QRSL1: variants seen among roughly 807,000 people sequenced by gnomAD.
The protein encoded by QRSL1 is glutamyl-tRNA(Gln) amidotransferase subunit A, mitochondrial.
A neutral mutation model predicts 61.6 loss-of-function variants in QRSL1; 54 were observed. The ratio of observed to expected loss-of-function variants is 0.88; its 90% CI spans 0.70 to 1.10. QRSL1 has a LOEUF of 1.10. QRSL1 is among the 50% of genes least tolerant of loss of function. QRSL1 has a pLI of 0.00. For missense variants in QRSL1, 505 were observed against 622.6 expected (o/e 0.81, Z 2.01); for synonymous variants, 228 against 225.7 (o/e 1.01, Z -0.09).
intron 1 of QRSL1, among the ~76,000 whole-genome samples, chr6:106,630,116 T>A (rs988283492): frequency 2.0e-5 from 3 of 152,090 alleles, no homozygotes; most frequent in Non-Finnish European, 4.4e-5. Flanking sequence ...AATGAGTAAT[T>A]TTTGGCTTTT....
chr6:106,649,187 G>A lies in QRSL1; in HGVS notation c.543G>A (p.Ala181=), dbSNP rs762498971. Residue 181 remains alanine (A), a synonymous_variant, in exon 5 of 11, where the codon GCG becomes GCA. Coordinates refer to ENST00000369046, the MANE Select transcript of QRSL1 (RefSeq NM_018292.5). ...SSGGSAAAVS[A]FTCYAALGSD... is the part of the protein sequence containing the mutation. The stretch of plus-strand genomic sequence containing the variant: ...GTGGGAGTGCAGCTGCTGTATCGGC[G>A]TTCACATGCTACGCGTAAGATGCTT... The A allele has an allele frequency of 9.9e-6, 16 of 1,614,034 alleles. No homozygotes were observed. The highest frequency in any genetic ancestry group is 1.2e-5 in the Non-Finnish European group (14 of 1,179,974).
chr6:106,642,414 A>T (rs955591883), intron 3 of QRSL1: 1 of 536,140 alleles, frequency 1.9e-6, no homozygotes, highest in African/African-American at 1.9e-5. Context: ...ATAAAAAGGT[A>T]ACTGGCCTTT....
chr6:106,655,877 G>A, intron 9 of QRSL1, 145 bp downstream of exon 9: 1 of 559,696 alleles, frequency 1.8e-6, no homozygotes, highest in Admixed American at 3.1e-5. Flanking sequence ...GGCACTTTTG[G>A]GTCCTGGTAT....
intron 7 of QRSL1, chr6:106,653,857 T>C (rs1209205956): frequency 2.0e-5 from 3 of 150,996 alleles, no homozygotes; most frequent in Non-Finnish European, 3.0e-5. Context: ...GCAATATCTG[T>C]GCATTCTTTT....
intron 7 of QRSL1, 76 bp downstream of exon 7, chr6:106,652,658 G>A: frequency 6.3e-7 from 1 of 1,595,008 alleles, no homozygotes; most frequent in Non-Finnish European, 8.5e-7. Flanking sequence ...AGGCGGATTG[G>A]GTGGGTTTGA....
chr6:106,657,383 AG>A (rs1349199353), intron 9 of QRSL1, among the ~76,000 whole-genome samples: 1 of 152,244 alleles, frequency 6.6e-6, no homozygotes, highest in Admixed American at 6.5e-5. Context: ...TAATTTTCTA[AG>A]TGAAAACATT....
rs144768257 is a variant in QRSL1, at chr6:106,664,303, A to G, written c.1366+1118A>G. On this transcript the variant is annotated intron_variant, in intron 10 of 10. Coordinates refer to ENST00000369046, the MANE Select transcript of QRSL1 (RefSeq NM_018292.5). The stretch of plus-strand genomic sequence containing the variant: ...ATAATTTTTGTTTCAATCATCAAAC[A>G]TAATGTAGAAAACTTAAGAGGAAAA... Among the ~76,000 whole-genome samples, 78 of 152,356 alleles carry G rather than the reference A, an allele frequency of 5.1e-4. 1 individual carries two copies. The highest frequency in any genetic ancestry group is 1.8e-3 in the African/African-American group (75 of 41,582).
chr6:106,653,823 C>CA lies in QRSL1; in HGVS notation c.850-888dup, dbSNP rs747006055. 436 of 77,490 alleles carry CA rather than the reference C, an allele frequency of 5.6e-3. 3 individuals carry two copies. Among genetic ancestry groups the CA allele is most frequent in the South Asian group, 8.0e-3 (17 of 2,120 alleles). The allele number at this position is 77,490 out of a possible 1,614,324, so 4.8% of individuals were successfully genotyped here. On this transcript the variant is annotated intron_variant, in intron 7 of 10. Transcript: ENST00000369046. ...TAGGTGACAGAGCAAGACCCTATCT[C>CA]AAAAAAAAAAAAAAAAAAAGAAGGC... is the stretch of plus-strand genomic sequence containing the variant.
At chr6:106,637,508 G>A (rs751146272) in intron 1 of QRSL1, among the ~76,000 whole-genome samples, 1 of 152,158 alleles carries the variant, frequency 6.6e-6, no homozygotes, top group Non-Finnish European at 1.5e-5. Flanking sequence ...ACTGGGGAGC[G>A]TGGTGTCATC....
intron 1 of QRSL1, among the ~76,000 whole-genome samples, chr6:106,631,811 A>G (rs540810761): frequency 6.6e-6 from 1 of 152,336 alleles, no homozygotes; most frequent in South Asian, 2.1e-4. Flanking sequence ...TTGTGTTACA[A>G]ACGTTCCAGT....
intron 1 of QRSL1, among the ~76,000 whole-genome samples, chr6:106,631,067 A>G (rs984148230): frequency 1.3e-5 from 2 of 152,100 alleles, no homozygotes; most frequent in Non-Finnish European, 2.9e-5. Context: ...TCTACTAAAT[A>G]TACAAAAAAT....
chr6:106,645,979 T>G (rs541854180), intron 4 of QRSL1, among the ~76,000 whole-genome samples: 2 of 152,290 alleles, frequency 1.3e-5, no homozygotes, highest in South Asian at 4.1e-4. Context: ...CAATGTTGAA[T>G]AGAAGTGGTG....
chr6:106,644,764 C>G (rs548252761), intron 4 of QRSL1, among the ~76,000 whole-genome samples: 1 of 152,254 alleles, frequency 6.6e-6, no homozygotes, highest in South Asian at 2.1e-4. Context: ...AGGTGATCTG[C>G]CCGCCTGGTC....
intron 1 of QRSL1, among the ~76,000 whole-genome samples, chr6:106,635,846 G>T (rs937756278): frequency 6.6e-6 from 1 of 151,642 alleles, no homozygotes; most frequent in Admixed American, 6.6e-5. Context: ...ACTCCAGCCT[G>T]GGCAACAGAG....
At chr6:106,635,915 G>C (rs1396129698) in intron 1 of QRSL1, among the ~76,000 whole-genome samples, 1 of 151,568 alleles carries the variant, frequency 6.6e-6, no homozygotes, top group Admixed American at 6.6e-5. Context: ...TACCTCTAAT[G>C]CTGTCTGTTA....
rs376870653 is a variant in QRSL1, at chr6:106,660,916, C to T, written c.1161-2064C>T. Among the ~76,000 whole-genome samples the T allele has an allele frequency of 5.3e-5, 8 of 152,200 alleles. No homozygotes were observed. In the South Asian group the frequency reaches 1.7e-3, roughly 32 times the overall value. On this transcript the variant is annotated intron_variant, in intron 9 of 10. Coordinates refer to ENST00000369046, the MANE Select transcript of QRSL1 (RefSeq NM_018292.5). ...AGTGGAGTTGTTATGGCCCAATCAC[C>T]TCTTAAAGGCCCCATCTCTTAATAC... is the stretch of plus-strand genomic sequence containing the variant.
At chr6:106,663,496 G>A (rs1046893713) in intron 10 of QRSL1, among the ~76,000 whole-genome samples, 3 of 152,204 alleles carry the variant, frequency 2.0e-5, no homozygotes, top group African/African-American at 7.2e-5. Flanking sequence ...GAAGGTGAAG[G>A]AGAAGTAGCC....
intron 1 of QRSL1, 113 bp from the exon 2 acceptor site, chr6:106,640,236 G>A (rs1206312859): frequency 6.6e-6 from 6 of 910,184 alleles, no homozygotes; most frequent in Non-Finnish European, 1.0e-5. Context: ...TTGAACCCAA[G>A]CCTCACTTTA....
At chr6:106,642,727 G>A in intron 3 of QRSL1, 1 of 747,890 alleles carries the variant, frequency 1.3e-6, no homozygotes, top group South Asian at 1.4e-5. Flanking sequence ...TGCATATTGA[G>A]CACAGTAAGT....
Sources: allele counts gnomAD v4.1 joint callset (sites outside exome capture counted in the v4.1 genomes callset), GRCh38; gene constraint gnomAD v4.1.1; transcripts MANE v1.5; gene names NCBI Gene and HGNC (gene_info 2026-07-23, HGNC 2026-07-21).